LINGO2: variants seen among roughly 807,000 people sequenced by gnomAD.
LINGO2 encodes the protein leucine-rich repeat and immunoglobulin-like domain-containing nogo receptor-interacting protein 2.
A neutral mutation model predicts 30.6 loss-of-function variants in LINGO2; 14 were observed. That is an observed-to-expected ratio of 0.46 (90% CI 0.30 to 0.72). The LOEUF is 0.72. LINGO2 is among the 30% of genes least tolerant of loss of function. The probability of loss-of-function intolerance (pLI) is 0.07; values close to 1 mark genes in which losing one functional copy is unlikely to be tolerated. For synonymous variants in LINGO2, 317 were observed against 288.5 expected (o/e 1.10, Z -1.00); for missense variants, 729 against 751.7 (o/e 0.97, Z 0.35).
At chr9:28,215,330 A>AAACTT (rs1820727166) in intron 4 of LINGO2, among the ~76,000 whole-genome samples, 1 of 151,888 alleles carries the variant, frequency 6.6e-6, no homozygotes, top group Non-Finnish European at 1.5e-5. Context: ...GGTAAAGTGT[A>AAACTT]TCTTATAAAT....
chr9:29,110,094 C>T, the LINGO2 span, among the ~76,000 whole-genome samples: 1 of 151,228 alleles, frequency 6.6e-6, no homozygotes, highest in African/African-American at 2.4e-5. Context: ...ACTTAAAGAA[C>T]TAGGCATGGT....
At chr9:27,989,440 G>GCTCT (rs146313853) in intron 5 of LINGO2, among the ~76,000 whole-genome samples, 39 of 137,452 alleles carry the variant, frequency 2.8e-4, no homozygotes, top group South Asian at 6.7e-4. Context: ...CAGAGTGAAT[G>GCTCT]CTCTCTGTGT....
At chr9:28,843,522 AAAG>A in the LINGO2 span, among the ~76,000 whole-genome samples, 991 of 151,968 alleles carry the variant, frequency 6.5e-3, 28 homozygotes, top group African/African-American at 0.023. Context: ...AAGGAGTGGC[AAAG>A]AAGGACACAA....
chr9:29,031,473 G>C, the LINGO2 span, among the ~76,000 whole-genome samples: 3 of 151,966 alleles, frequency 2.0e-5, no homozygotes, highest in Non-Finnish European at 4.4e-5. Context: ...AGTAGAGACA[G>C]AGTTTCAGCA....
the LINGO2 span, among the ~76,000 whole-genome samples, chr9:28,722,822 T>G: frequency 6.6e-6 from 1 of 152,132 alleles, no homozygotes; most frequent in South Asian, 2.1e-4. Context: ...TTTGCCAGCC[T>G]TGTGATAAGT....
intron 5 of LINGO2, among the ~76,000 whole-genome samples, chr9:27,966,331 C>T (rs1312478058): frequency 6.6e-6 from 1 of 152,082 alleles, no homozygotes; most frequent in Non-Finnish European, 1.5e-5. Context: ...TCTAAAGATA[C>T]AGTTAGGACA....
intron 2 of LINGO2, among the ~76,000 whole-genome samples, chr9:28,458,376 A>C (rs1824938212): frequency 6.6e-6 from 1 of 152,162 alleles, no homozygotes; most frequent in South Asian, 2.1e-4. Flanking sequence ...TTGCTCATTA[A>C]CTACATTTTC....
At chr9:28,590,987 G>A (rs1316437272) in intron 1 of LINGO2, among the ~76,000 whole-genome samples, 2 of 152,060 alleles carry the variant, frequency 1.3e-5, no homozygotes, top group East Asian at 1.9e-4. Flanking sequence ...CATAAAAAAC[G>A]ATGAGTTCAT....
intron 4 of LINGO2, among the ~76,000 whole-genome samples, chr9:28,039,907 G>T (rs1327148555): frequency 2.6e-5 from 4 of 152,056 alleles, no homozygotes; most frequent in African/African-American, 9.7e-5. Context: ...AGATATACTG[G>T]AGGATCAGCT....
the LINGO2 span, among the ~76,000 whole-genome samples, chr9:28,920,852 G>A: frequency 1.3e-5 from 2 of 152,052 alleles, no homozygotes; most frequent in African/African-American, 2.4e-5. Flanking sequence ...TTTGTTAGCA[G>A]GTCACTTAAT....
intron 3 of LINGO2, among the ~76,000 whole-genome samples, chr9:28,323,353 A>T (rs1046058742): frequency 3.9e-5 from 6 of 152,156 alleles, no homozygotes; most frequent in Admixed American, 2.0e-4. Context: ...TAATCCCAAC[A>T]CTTTGAGAGG....
chr9:28,437,448 T>G (rs767694401), intron 2 of LINGO2, among the ~76,000 whole-genome samples: 1 of 152,018 alleles, frequency 6.6e-6, no homozygotes, highest in Non-Finnish European at 1.5e-5. Flanking sequence ...GTCTCCAGCT[T>G]GCAGACAGCC....
chr9:29,201,439 T>A, the LINGO2 span, among the ~76,000 whole-genome samples: 34 of 152,060 alleles, frequency 2.2e-4, no homozygotes, highest in Admixed American at 2.2e-3. Flanking sequence ...TGCTCAACAA[T>A]CATCAATCCA....
chr9:28,204,818 T>C (rs1820356201), intron 4 of LINGO2, among the ~76,000 whole-genome samples: 1 of 152,198 alleles, frequency 6.6e-6, no homozygotes, highest in African/African-American at 2.4e-5. Context: ...CTTGGTTCCA[T>C]GAACAGAATC....
intron 4 of LINGO2, among the ~76,000 whole-genome samples, chr9:28,254,219 T>C (rs1027120063): frequency 6.6e-6 from 1 of 152,122 alleles, no homozygotes; most frequent in Non-Finnish European, 1.5e-5. Context: ...ATTTTAGTAA[T>C]TTTTAACATT....
rs146312021 is a variant in LINGO2, at chr9:27,981,905, C to T, written c.-36+30450G>A. ...AGGCTGATTTTAGACATCCAAGCAA[C>T]ATGTACCAGGTTAGTTTGAGGTTTA... is the stretch of plus-strand genomic sequence containing the variant. On this transcript the variant is annotated intron_variant, in intron 5 of 5. Transcript: ENST00000379992. Among the ~76,000 whole-genome samples the T allele has an allele frequency of 1.8e-3, 267 of 151,934 alleles. 1 individual carries two copies. The highest frequency in any genetic ancestry group is 6.1e-3 in the African/African-American group (253 of 41,516).
At chr9:28,451,868 A>G (rs1258325876) in intron 2 of LINGO2, among the ~76,000 whole-genome samples, 1 of 151,708 alleles carries the variant, frequency 6.6e-6, no homozygotes, top group African/African-American at 2.4e-5. Flanking sequence ...ATATGTGCAT[A>G]ATAATGATCA....
intron 1 of LINGO2, among the ~76,000 whole-genome samples, chr9:28,598,028 G>A (rs768641006): frequency 1.4e-4 from 22 of 152,118 alleles, no homozygotes; most frequent in Admixed American, 4.6e-4. Context: ...GCCTTCCAAA[G>A]TGCTGGGATT....
At chr9:29,020,851 A>G in the LINGO2 span, among the ~76,000 whole-genome samples, 3 of 152,248 alleles carry the variant, frequency 2.0e-5, no homozygotes, top group South Asian at 2.1e-4. Context: ...GGGTGGGGGG[A>G]AAAGGAAAAT....
Sources: allele counts gnomAD v4.1 joint callset (sites outside exome capture counted in the v4.1 genomes callset), GRCh38; gene constraint gnomAD v4.1.1; transcripts MANE v1.5; gene names NCBI Gene and HGNC (gene_info 2026-07-23, HGNC 2026-07-21).